Variants in NAALADL2 observed in about 807,000 individuals in gnomAD.
The protein encoded by NAALADL2 is N-acetylated alpha-linked acidic dipeptidase like 2, also known as inactive N-acetylated-alpha-linked acidic dipeptidase-like protein 2.
NAALADL2 carries 76 observed loss-of-function variants against 87.2 expected under a neutral mutation model. The ratio of observed to expected loss-of-function variants is 0.87; its 90% CI spans 0.72 to 1.05. The LOEUF (loss-of-function observed/expected upper bound fraction) is 1.05, where lower values mean the gene tolerates loss of function less well. Ranked by LOEUF, NAALADL2 falls within the 50% of genes least tolerant of loss-of-function variation. The probability of loss-of-function intolerance (pLI) is 0.00; values close to 1 mark genes in which losing one functional copy is unlikely to be tolerated. For missense variants in NAALADL2, 1,089 were observed against 945.8 expected (o/e 1.15, Z -1.99); for synonymous variants, 354 against 331.0 (o/e 1.07, Z -0.75).
At chr3:174,950,680 T>C (rs1193862266) in intron 1 of NAALADL2, among the ~76,000 whole-genome samples, 1 of 152,142 alleles carries the variant, frequency 6.6e-6, no homozygotes, top group Non-Finnish European at 1.5e-5. Flanking sequence ...AACTTTGTTT[T>C]AATTGTCAAT....
intron 1 of NAALADL2, among the ~76,000 whole-genome samples, chr3:174,457,026 C>T (rs996922279): frequency 6.6e-6 from 1 of 151,862 alleles, no homozygotes; most frequent in South Asian, 2.1e-4. Context: ...AAAAAATAAT[C>T]CCATTAAAAT....
In NAALADL2 at chr3:175,584,526, A is replaced by T. The variant is rs1345836567; in HGVS notation, c.1800+8339A>T. ...TTTCTAGACAAAATGATGTATAGTC[A>T]TGTGTCTCTAATGATGGAAATATGT... On this transcript the variant is annotated intron_variant, in intron 10 of 13. Transcript: ENST00000454872. Among the ~76,000 whole-genome samples, 3 of 152,210 alleles carry T rather than the reference A, an allele frequency of 2.0e-5. No individual in the cohort carries two copies. In the East Asian group the frequency reaches 5.8e-4, roughly 29 times the overall value.
intron 1 of NAALADL2, among the ~76,000 whole-genome samples, chr3:174,524,937 T>A (rs1292118262): frequency 1.3e-5 from 2 of 152,196 alleles, no homozygotes; most frequent in African/African-American, 4.8e-5. Context: ...TGTGTTTAGA[T>A]ATGTTTAGAT....
intron 9 of NAALADL2, among the ~76,000 whole-genome samples, chr3:175,483,263 G>T (rs1033585977): frequency 6.6e-6 from 1 of 150,724 alleles, no homozygotes; most frequent in East Asian, 2.0e-4. Flanking sequence ...TAGAAAGCAT[G>T]CACATAGTAA....
chr3:174,560,612 A>G (rs1387892263), intron 2 of NAALADL2, among the ~76,000 whole-genome samples: 1 of 152,148 alleles, frequency 6.6e-6, no homozygotes, highest in African/African-American at 2.4e-5. Context: ...CTTTATTTTA[A>G]TATTCTACTG....
intron 1 of NAALADL2, among the ~76,000 whole-genome samples, chr3:174,450,020 T>TAC (rs35861742): frequency 0.019 from 2,838 of 148,866 alleles, 36 homozygotes; most frequent in East Asian, 0.042. Flanking sequence ...AACACATACA[T>TAC]ACACACACAC....
At chr3:175,035,445 G>A (rs915214673) in intron 1 of NAALADL2, among the ~76,000 whole-genome samples, 2 of 152,102 alleles carry the variant, frequency 1.3e-5, no homozygotes, top group Non-Finnish European at 2.9e-5. Context: ...AAATGTGGAG[G>A]GTCTGTGACA....
chr3:175,787,588 C>T (rs1752228371), intron 13 of NAALADL2, among the ~76,000 whole-genome samples: 1 of 151,812 alleles, frequency 6.6e-6, no homozygotes, highest in Admixed American at 6.7e-5. Flanking sequence ...GGTGCGCGCA[C>T]CCACTGACCT....
intron 2 of NAALADL2, among the ~76,000 whole-genome samples, chr3:175,183,208 T>TACTATATATATATATATATACTATATATA (rs1307864962): frequency 6.6e-6 from 1 of 151,962 alleles, no homozygotes; most frequent in African/African-American, 2.4e-5. Context: ...ATAGTTTTCA[T>TACTATATATATATATATATACTATATATA]TATACTGATC....
At chr3:175,057,331 T>C (rs1312927874) in intron 1 of NAALADL2, among the ~76,000 whole-genome samples, 1 of 152,134 alleles carries the variant, frequency 6.6e-6, no homozygotes, top group Non-Finnish European at 1.5e-5. Flanking sequence ...AACAGAGTGG[T>C]GTCCATTTGA....
At chr3:175,681,473 A>G (rs774065902) in intron 11 of NAALADL2, among the ~76,000 whole-genome samples, 1 of 152,206 alleles carries the variant, frequency 6.6e-6, no homozygotes. Context: ...TTAAAACCAC[A>G]TAAGCTAACA....
intron 4 of NAALADL2, among the ~76,000 whole-genome samples, chr3:175,304,587 A>G (rs1346598318): frequency 1.3e-5 from 2 of 152,112 alleles, no homozygotes; most frequent in African/African-American, 4.8e-5. Context: ...TTGTTTCCCC[A>G]TGAAGCCGGT....
chr3:175,807,959 G>A lies in NAALADL2; in HGVS notation c.*4756G>A, dbSNP rs1754856541. On this transcript the variant is annotated 3_prime_UTR_variant, in exon 14 of 14. Coordinates refer to ENST00000454872, the MANE Select transcript of NAALADL2 (RefSeq NM_207015.3). ...GTAGCAAAAGAAATGTATAAAGATA[G>A]CCTTTTCTGGTCATTACCATGTCTA... is the stretch of plus-strand genomic sequence containing the variant. 1.3e-5 allele frequency: 2 copies of A among 151,902 alleles called. No individual in the cohort carries two copies. The highest frequency in any genetic ancestry group is 4.1e-4 in the South Asian group (2 of 4,828). The allele number at this position is 151,902 out of a possible 1,614,324, so 9.4% of individuals were successfully genotyped here. A position where few individuals can be genotyped will look rare whatever the true frequency, so the allele number is the denominator to read the frequency against.
intron 1 of NAALADL2, among the ~76,000 whole-genome samples, chr3:175,053,623 T>G (rs1201687993): frequency 6.6e-6 from 1 of 152,198 alleles, no homozygotes. Flanking sequence ...CAAGTTATTA[T>G]TTTACCTATT....
intron 3 of NAALADL2, among the ~76,000 whole-genome samples, chr3:174,742,434 T>G (rs1348346077): frequency 6.6e-6 from 1 of 151,702 alleles, no homozygotes; most frequent in East Asian, 1.9e-4. Flanking sequence ...AATAACAGTG[T>G]GGTCAGTTTT....
intron 1 of NAALADL2, among the ~76,000 whole-genome samples, chr3:175,042,637 G>A (rs1473090562): frequency 6.6e-6 from 1 of 152,088 alleles, no homozygotes; most frequent in Admixed American, 6.6e-5. Context: ...TCTAATAGAT[G>A]TGAGGTGATA....
At chr3:174,812,945 T>C (rs186562884) in intron 3 of NAALADL2, among the ~76,000 whole-genome samples, 2 of 152,308 alleles carry the variant, frequency 1.3e-5, no homozygotes, top group Admixed American at 1.3e-4. Flanking sequence ...TTAAAAAGTT[T>C]ATAAACTAAA....
chr3:174,720,840 C>T (rs1180916185), intron 2 of NAALADL2, among the ~76,000 whole-genome samples: 1 of 152,146 alleles, frequency 6.6e-6, no homozygotes, highest in Non-Finnish European at 1.5e-5. Context: ...TAGTATTTGG[C>T]TTCAAATTCC....
chr3:175,098,323 A>C (rs1721505389), intron 2 of NAALADL2, among the ~76,000 whole-genome samples: 1 of 152,172 alleles, frequency 6.6e-6, no homozygotes, highest in Admixed American at 6.6e-5. Flanking sequence ...GGACCCAGTG[A>C]AGATGTTGGA....
Sources: gnomAD v4.1 joint callset for allele counts (sites outside exome capture counted in the v4.1 genomes callset) on GRCh38, gnomAD v4.1.1 for gene constraint, MANE v1.5 for transcripts, NCBI Gene and HGNC (gene_info 2026-07-23, HGNC 2026-07-21) for gene names.